Variants in RBFOX1 observed in about 807,000 individuals in gnomAD.
RBFOX1 encodes the protein RNA binding fox-1 homolog 1, also known as RNA binding protein fox-1 homolog 1.
RBFOX1 carries 8 observed loss-of-function variants against 57.7 expected under a neutral mutation model. The ratio of observed to expected loss-of-function variants is 0.14; its 90% confidence interval spans 0.08 to 0.25. The LOEUF (loss-of-function observed/expected upper bound fraction) is 0.25. Ranked by LOEUF, RBFOX1 falls within the 10% of genes least tolerant of loss-of-function variation. RBFOX1 has a pLI of 1.00. For missense variants in RBFOX1, 611 were observed against 548.5 expected (o/e 1.11, Z -1.14); for synonymous variants, 326 against 222.4 (o/e 1.47, Z -4.15).
intron 3 of RBFOX1, among the ~76,000 whole-genome samples, chr16:5,831,439 G>A (rs1198252584): frequency 6.6e-6 from 1 of 151,412 alleles, no homozygotes; most frequent in Non-Finnish European, 1.5e-5. Flanking sequence ...TGTATATCCT[G>A]TAGAACTGTA....
intron 4 of RBFOX1, among the ~76,000 whole-genome samples, chr16:7,290,737 G>A (rs955534330): frequency 1.3e-5 from 2 of 152,218 alleles, no homozygotes; most frequent in African/African-American, 4.8e-5. Flanking sequence ...GCGTGTCCGT[G>A]TGTACAGGAT....
intron 3 of RBFOX1, among the ~76,000 whole-genome samples, chr16:6,907,427 G>T (rs1270779096): frequency 1.3e-5 from 2 of 152,276 alleles, no homozygotes; most frequent in Middle Eastern, 3.4e-3. Context: ...AAGACTTGGT[G>T]GTTTCAATAA....
At chr16:6,077,812 C>A (rs1405065108) in intron 1 of RBFOX1, among the ~76,000 whole-genome samples, 1 of 151,886 alleles carries the variant, frequency 6.6e-6, no homozygotes, top group Admixed American at 6.6e-5. Context: ...GACCTCCTGG[C>A]CTCAAGTGAC....
intron 14 of RBFOX1, among the ~76,000 whole-genome samples, chr16:7,698,595 A>G (rs527542732): frequency 2.0e-5 from 3 of 152,278 alleles, no homozygotes; most frequent in African/African-American, 7.2e-5. Flanking sequence ...AAGTTTCCCA[A>G]TTGGCCATTC....
intron 2 of RBFOX1, among the ~76,000 whole-genome samples, chr16:6,580,506 C>T (rs905087284): frequency 2.0e-5 from 3 of 152,142 alleles, no homozygotes; most frequent in African/African-American, 7.2e-5. Context: ...AAGACATAAT[C>T]CCTTATGGTC....
Position 6,599,768 on chromosome 16 carries a change from G to C in RBFOX1, c.-63-54835G>C, listed in dbSNP as rs181345739. Reference sequence around the variant, plus strand: ...GTTAAGCCATCTTGAGCAGGTGCGTGTAACTTAATGCAACCTTCAGTTCTG... The same window carrying C: ...GTTAAGCCATCTTGAGCAGGTGCGTCTAACTTAATGCAACCTTCAGTTCTG... On this transcript the variant is annotated intron_variant, in intron 2 of 15. Coordinates refer to ENST00000550418, the MANE Select transcript of RBFOX1 (RefSeq NM_018723.4). Among the ~76,000 whole-genome samples the C allele has an allele frequency of 1.3e-4, 20 of 152,272 alleles. No individual in the cohort carries two copies. The East Asian group carries it at 3.9e-3, about 29-fold the overall frequency.
chr16:7,117,453 A>C (rs995935069), intron 4 of RBFOX1, among the ~76,000 whole-genome samples: 14 of 152,222 alleles, frequency 9.2e-5, no homozygotes, highest in Non-Finnish European at 1.8e-4. Context: ...TGTAAGTTGG[A>C]ATTCTAGCTT....
At chr16:6,522,277 C>G (rs1598819024) in intron 2 of RBFOX1, among the ~76,000 whole-genome samples, 1 of 151,592 alleles carries the variant, frequency 6.6e-6, no homozygotes, top group Non-Finnish European at 1.5e-5. Context: ...TCATAAAGCA[C>G]AATGTTATTA....
At chr16:6,349,034 A>T (rs1056602548) in intron 2 of RBFOX1, among the ~76,000 whole-genome samples, 5 of 152,220 alleles carry the variant, frequency 3.3e-5, no homozygotes, top group African/African-American at 2.4e-5. Flanking sequence ...ATCTTACAGC[A>T]GACTTCTTCA....
rs933326296 is a variant in RBFOX1 at position 6,216,249 on chromosome 16, A to C, written c.-126-100746A>C. 2.0e-5 allele frequency among the ~76,000 whole-genome samples: 3 copies of C among 152,138 alleles called. No homozygotes were observed. The South Asian group carries it at 6.2e-4, about 32-fold the overall frequency. On this transcript the variant is annotated intron_variant, in intron 1 of 15. Transcript: ENST00000550418. ...CCCCATGACACAAGTTTACCTATGG[A>C]ACAAACCTGCACATATACCCCTGAA... is the stretch of plus-strand genomic sequence containing the variant.
intron 3 of RBFOX1, among the ~76,000 whole-genome samples, chr16:6,854,110 A>C (rs555398432): frequency 6.6e-6 from 1 of 152,290 alleles, no homozygotes; most frequent in East Asian, 1.9e-4. Context: ...TTCTTTTACA[A>C]AACTCCATTG....
intron 3 of RBFOX1, among the ~76,000 whole-genome samples, chr16:6,954,362 C>G (rs762960214): frequency 3.9e-5 from 6 of 152,122 alleles, no homozygotes; most frequent in Non-Finnish European, 8.8e-5. Flanking sequence ...TAACGGTCTT[C>G]CATCCATTAG....
chr16:7,304,119 C>A, intron 4 of RBFOX1: 1 of 770,080 alleles, frequency 1.3e-6, no homozygotes, highest in Non-Finnish European at 1.6e-6. Flanking sequence ...CGGGATCTAG[C>A]ACATCCCCAG....
chr16:7,071,217 C>T (rs116428143), intron 4 of RBFOX1, among the ~76,000 whole-genome samples: 2,912 of 152,080 alleles, frequency 0.019, 104 homozygotes, highest in African/African-American at 0.066. Context: ...ATTCTAAAAG[C>T]TTTTATTGAG....
intron 3 of RBFOX1, among the ~76,000 whole-genome samples, chr16:6,681,572 A>G (rs1326743077): frequency 1.3e-5 from 2 of 152,006 alleles, no homozygotes; most frequent in African/African-American, 2.4e-5. Context: ...TAAAGTAACA[A>G]TTTGTTGTTA....
intron 4 of RBFOX1, among the ~76,000 whole-genome samples, chr16:5,916,235 C>G (rs12446719): frequency 0.086 from 13,029 of 152,090 alleles, 863 homozygotes; most frequent in African/African-American, 0.18. Flanking sequence ...TTCCCATCAC[C>G]GTAACAGGTT....
intron 3 of RBFOX1, among the ~76,000 whole-genome samples, chr16:6,947,273 C>G (rs28680292): frequency 2.0e-5 from 3 of 151,966 alleles, no homozygotes; most frequent in East Asian, 3.9e-4. Context: ...TGTTTTTCAC[C>G]TTGATTTTGG....
chr16:5,961,005 G>A (rs534167866), intron 4 of RBFOX1, among the ~76,000 whole-genome samples: 20 of 152,236 alleles, frequency 1.3e-4, no homozygotes, highest in African/African-American at 3.6e-4. Context: ...TACCTTCTCC[G>A]GACTTTTCAT....
intron 1 of RBFOX1, among the ~76,000 whole-genome samples, chr16:5,396,319 A>G (rs1279413564): frequency 6.6e-6 from 1 of 152,170 alleles, no homozygotes; most frequent in Non-Finnish European, 1.5e-5. Context: ...TAGTGAATCA[A>G]GATGGGTCAG....
Sources: gnomAD v4.1 joint callset for allele counts (sites outside exome capture counted in the v4.1 genomes callset) on GRCh38, gnomAD v4.1.1 for gene constraint, MANE v1.5 for transcripts, NCBI Gene and HGNC (gene_info 2026-07-23, HGNC 2026-07-21) for gene names.